Variants in TRAPPC9 observed in about 807,000 individuals in gnomAD.
The protein encoded by TRAPPC9 is trafficking protein particle complex subunit 9, also known as IKK2 binding protein.
In TRAPPC9, 83 loss-of-function variants were observed where a neutral mutation model predicts 124.0. The observed-to-expected ratio is 0.67, with a 90% CI of 0.56 to 0.80. TRAPPC9 has a LOEUF of 0.80. TRAPPC9 is among the 30% of genes least tolerant of loss of function. The pLI is 0.00. For synonymous variants in TRAPPC9, 638 were observed against 617.5 expected, an observed-to-expected ratio of 1.03 and a Z score of -0.49; for missense variants, 1,302 against 1,508.3, an observed-to-expected ratio of 0.86 and a Z score of 2.27.
At chr8:139,796,420 C>G (rs1020686622) in intron 21 of TRAPPC9, among the ~76,000 whole-genome samples, 5 of 152,178 alleles carry the variant, frequency 3.3e-5, no homozygotes, top group Non-Finnish European at 7.3e-5. Flanking sequence ...GCCTCCCCAT[C>G]CCCACCAGCC....
chr8:140,197,231 G>T (rs1270192309), intron 17 of TRAPPC9, among the ~76,000 whole-genome samples: 2 of 152,206 alleles, frequency 1.3e-5, no homozygotes, highest in African/African-American at 2.4e-5. Flanking sequence ...TGAGACAAAT[G>T]TAGGATAATA....
chr8:140,087,579 G>A lies in TRAPPC9; in HGVS notation c.2557-63500C>T, dbSNP rs1844279870. 6.6e-6 allele frequency among the ~76,000 whole-genome samples: 1 copy of A among 152,096 alleles called. No homozygotes were observed. Among genetic ancestry groups the A allele is most frequent in the South Asian group, 2.1e-4 (1 of 4,814 alleles). ...AAACAACCACCGTCCAGCTGCTCAG[G>A]CCAAAACCTTAAAAGACACCCTTGC... On this transcript the variant is annotated intron_variant, in intron 17 of 22. Coordinates refer to ENST00000438773, the MANE Select transcript of TRAPPC9 (RefSeq NM_001160372.4). The surrounding 1 kb of genome is among the most constrained non-coding windows in gnomAD (Gnocchi z 4.6).
At chr8:139,740,578 C>T (rs1818486401) in intron 21 of TRAPPC9, among the ~76,000 whole-genome samples, 1 of 152,252 alleles carries the variant, frequency 6.6e-6, no homozygotes, top group African/African-American at 2.4e-5. Flanking sequence ...TGCAGAAGCA[C>T]ACTGAGGTGT....
intron 17 of TRAPPC9, among the ~76,000 whole-genome samples, chr8:140,130,062 C>T (rs2061176862): frequency 6.6e-6 from 1 of 152,178 alleles, no homozygotes; most frequent in Non-Finnish European, 1.5e-5. Context: ...CAAGGAAGAA[C>T]TCAAAGAGTG....
Position 139,876,480 on chromosome 8 carries a change from C to T in TRAPPC9, c.3055+9399G>A, listed in dbSNP as rs114323175. ...CTAGTCTGTCTCTCGCCTCTGCTTCCGGGACATCTGCACAAGCTCTGAGGC... is the reference window on the plus strand; with the variant it reads ...CTAGTCTGTCTCTCGCCTCTGCTTCTGGGACATCTGCACAAGCTCTGAGGC... On this transcript the variant is annotated intron_variant, in intron 21 of 22. Transcript: ENST00000438773. Among the ~76,000 whole-genome samples, 328 of 152,306 alleles carry T rather than the reference C, an allele frequency of 2.2e-3. 4 individuals carry two copies. Among genetic ancestry groups the T allele is most frequent in the African/African-American group, 7.7e-3 (321 of 41,578 alleles).
At chr8:139,845,374 C>T (rs1406575202) in intron 21 of TRAPPC9, among the ~76,000 whole-genome samples, 1 of 152,118 alleles carries the variant, frequency 6.6e-6, no homozygotes, top group African/African-American at 2.4e-5. Flanking sequence ...TATACGGGTT[C>T]CATAAAAGCG....
At chr8:139,978,132 C>A (rs1220881269) in intron 19 of TRAPPC9, among the ~76,000 whole-genome samples, 9 of 152,202 alleles carry the variant, frequency 5.9e-5, no homozygotes. Flanking sequence ...CCCACCTTGG[C>A]CTCCCAAAGT....
intron 16 of TRAPPC9, among the ~76,000 whole-genome samples, chr8:140,242,316 A>G (rs891966917): frequency 9.2e-5 from 14 of 152,238 alleles, no homozygotes; most frequent in Admixed American, 9.2e-4. Flanking sequence ...GAAGGCTCAG[A>G]TAAAACGTGT....
intron 21 of TRAPPC9, among the ~76,000 whole-genome samples, chr8:139,757,437 G>C (rs1208829012): frequency 6.7e-6 from 1 of 150,224 alleles, no homozygotes; most frequent in East Asian, 2.0e-4. Context: ...CGCAGGAGGA[G>C]CCAGGGTTTG....
chr8:140,092,520 A>G (rs1844641457), intron 17 of TRAPPC9, among the ~76,000 whole-genome samples: 1 of 152,136 alleles, frequency 6.6e-6, no homozygotes, highest in Non-Finnish European at 1.5e-5. Context: ...CATCTAAAAT[A>G]TATATCATTT....
At chr8:140,038,595 C>T (rs373450007) in intron 17 of TRAPPC9, among the ~76,000 whole-genome samples, 4 of 152,160 alleles carry the variant, frequency 2.6e-5, no homozygotes, top group Admixed American at 6.5e-5. Flanking sequence ...GATCAAGTGG[C>T]GAGACGGAAG....
At chr8:140,230,305 G>A (rs2063560399) in intron 16 of TRAPPC9, among the ~76,000 whole-genome samples, 1 of 152,074 alleles carries the variant, frequency 6.6e-6, no homozygotes, top group Non-Finnish European at 1.5e-5. Context: ...TTCTAAAGAT[G>A]GTTAAGAAAA....
rs548570554 is a variant in TRAPPC9, at chr8:139,825,132, C to A, written c.3055+60747G>T. Among the ~76,000 whole-genome samples the A allele has an allele frequency of 6.6e-6, 1 of 152,016 alleles. No individual in the cohort carries two copies. The highest frequency in any genetic ancestry group is 2.4e-5 in the African/African-American group (1 of 41,390). ...GGCCCTGGACGTGGGACGTGGGCTG[C>A]GGGACTACAGGATTACAGAGGGGTC... On this transcript the variant is annotated intron_variant, in intron 21 of 22. Transcript: ENST00000438773. This position sits in a 1 kb window ranked among gnomAD's most constrained non-coding sequence, Gnocchi z 4.6.
At position 140,135,864 on chromosome 8, in the gene TRAPPC9, T is replaced by A. The variant is rs185649053; in HGVS notation, c.2556+85595A>T. The stretch of plus-strand genomic sequence containing the variant: ...GTGCTCTGAGTTAAGAAGCAGTGGT[T>A]GGTTCAGGGATTGCTGCTATAAGGT... On this transcript the variant is annotated intron_variant, in intron 17 of 22. Coordinates refer to ENST00000438773, the MANE Select transcript of TRAPPC9 (RefSeq NM_001160372.4). 6.0e-3 allele frequency among the ~76,000 whole-genome samples: 911 copies of A among 152,338 alleles called. 2 individuals are homozygous for A. Among genetic ancestry groups the A allele is most frequent in the Middle Eastern group, 0.027 (8 of 294 alleles).
In TRAPPC9 at chr8:140,221,510, T is replaced by A. The variant is rs1348115938; in HGVS notation, c.2505A>T (p.Lys835Asn). ...TGTTGCTCTCGGGTGGGTTCACAGG[T>A]TTGCCCTCCACTCGGGGCCGAACGA... Reference protein sequence around the residue: ...RQVVRPRVEGKPVNPPESNKA... With the variant: ...RQVVRPRVEGNPVNPPESNKA... The change falls in exon 17 of 23, where the codon AAA (lysine) becomes AAT (asparagine). Residue 835 changes from lysine (K) to asparagine (N), a missense_variant. Lys to Asn is a moderately conservative substitution (Grantham distance 94, BLOSUM62 0). Transcript: ENST00000438773. The A allele has an allele frequency of 6.2e-7, 1 of 1,613,924 alleles. No homozygotes were observed. Among genetic ancestry groups the A allele is most frequent in the Non-Finnish European group, 8.5e-7 (1 of 1,180,000 alleles).
chr8:140,385,188 A>G (rs2068720649), intron 7 of TRAPPC9, among the ~76,000 whole-genome samples: 1 of 152,194 alleles, frequency 6.6e-6, no homozygotes, highest in African/African-American at 2.4e-5. Flanking sequence ...AGGGAAATTT[A>G]TAGCACTAAA....
intron 20 of TRAPPC9, among the ~76,000 whole-genome samples, chr8:139,903,079 C>T (rs755013088): frequency 1.3e-5 from 2 of 152,166 alleles, no homozygotes; most frequent in African/African-American, 2.4e-5. Flanking sequence ...CAAGCTGTGC[C>T]TGGGCTCCCT....
intron 20 of TRAPPC9, among the ~76,000 whole-genome samples, chr8:139,906,385 G>A (rs1033017136): frequency 6.6e-6 from 1 of 152,140 alleles, no homozygotes; most frequent in Admixed American, 6.5e-5. Flanking sequence ...GGGCTGGTCA[G>A]CAGGGCTGGG....
chr8:139,789,478 C>G (rs938859836), intron 21 of TRAPPC9, among the ~76,000 whole-genome samples: 1 of 152,156 alleles, frequency 6.6e-6, no homozygotes, highest in East Asian at 1.9e-4. Context: ...CATCCCCCCC[C>G]AGGATATCTA....
Sources: allele counts gnomAD v4.1 joint callset (sites outside exome capture counted in the v4.1 genomes callset), GRCh38; gene constraint gnomAD v4.1.1; non-coding constraint Gnocchi (gnomAD v3.1); transcripts MANE v1.5; gene names NCBI Gene and HGNC (gene_info 2026-07-23, HGNC 2026-07-21).